The following ATRN variants were observed in gnomAD, a reference collection of about 807,000 sequenced individuals.
ATRN encodes the protein attractin, also known as attractin-2.
ATRN carries 54 observed loss-of-function variants against 178.7 expected under a neutral mutation model. That is an observed-to-expected ratio of 0.30 (90% confidence interval 0.24 to 0.38). ATRN has a LOEUF of 0.38. Ranked by LOEUF, ATRN falls within the 10% of genes least tolerant of loss-of-function variation. The pLI is 1.00. For missense variants in ATRN, 1,443 were observed against 1,815.1 expected, an observed-to-expected ratio of 0.79 and a Z score of 3.73; for synonymous variants, 636 against 663.0, an observed-to-expected ratio of 0.96 and a Z score of 0.63.
Position 3,582,167 on chromosome 20 carries a change from T to G in ATRN, c.2577T>G (p.Leu859=). The G allele has an allele frequency of 6.2e-7, 1 of 1,614,188 alleles. No individual in the cohort carries two copies. The highest frequency in any genetic ancestry group is 2.2e-5 in the East Asian group (1 of 44,886). Residue 859 remains leucine, a synonymous_variant, in exon 16 of 29, where the codon CTT becomes CTG. Transcript: ENST00000262919. ...SKLTLTPWVG[L]RKINVSYWCW... is the part of the protein sequence containing the mutation. ...TCACCTTAACCCCATGGGTCGGCCT[T>G]CGGAAGATCAATGTGTCCTACTGGT... is the stretch of plus-strand genomic sequence containing the variant.
In ATRN at chr20:3,565,378, C is replaced by G. The variant is rs779582836; in HGVS notation, c.1817C>G (p.Pro606Arg). The part of the protein sequence containing the change: ...ACDRWSVLPR[P>R]DLHHDVNRFG... ...GACCGCTGGTCAGTGCTTCCCAGAC[C>G]TGATCTCCACCATGATGTCAACAGA... The change falls in exon 11 of 29, where the codon CCT becomes CGT. Residue 606 changes from proline to arginine, a missense_variant. Transcript: ENST00000262919. The G allele has an allele frequency of 1.9e-6, 3 of 1,614,058 alleles. No individual in the cohort carries two copies. Among genetic ancestry groups the G allele is most frequent in the Non-Finnish European group, 2.5e-6 (3 of 1,179,980 alleles).
chr20:3,628,985 C>A, intron 25 of ATRN: 3 of 985,300 alleles, frequency 3.0e-6, no homozygotes, highest in Non-Finnish European at 3.6e-6. Flanking sequence ...CCAGAAGTGA[C>A]CAATTCCATC....
rs535530895 is a variant in ATRN, at chr20:3,517,373, A to G, written c.411-17880A>G. ...CATACACCAAAGTGCATATGTGGTTATCATTAGGAATCATAAGTTTAAATA... is the reference window on the plus strand; with the variant it reads ...CATACACCAAAGTGCATATGTGGTTGTCATTAGGAATCATAAGTTTAAATA... On this transcript the variant is annotated intron_variant, in intron 1 of 28. Coordinates refer to ENST00000262919, the MANE Select transcript of ATRN (RefSeq NM_139321.3). Among the ~76,000 whole-genome samples, 1,159 of 152,298 alleles carry G rather than the reference A, an allele frequency of 7.6e-3. 13 individuals carry two copies. Among genetic ancestry groups the G allele is most frequent in the Non-Finnish European group, 0.012 (814 of 68,026 alleles).
At chr20:3,531,153 T>G (rs2085448580) in intron 1 of ATRN, among the ~76,000 whole-genome samples, 1 of 152,182 alleles carries the variant, frequency 6.6e-6, no homozygotes, top group South Asian at 2.1e-4. Flanking sequence ...CTCTTTCAAA[T>G]TCCTTTAAAC....
intron 1 of ATRN, among the ~76,000 whole-genome samples, chr20:3,476,107 T>G (rs2084525718): frequency 6.6e-6 from 1 of 152,210 alleles, no homozygotes; most frequent in Non-Finnish European, 1.5e-5. Flanking sequence ...ATCATGCCAC[T>G]GCATTCCATC....
rs547304052 is a variant in ATRN, at chr20:3,472,956, C to A, written c.410+1439C>A. On this transcript the variant is annotated intron_variant, in intron 1 of 28. Coordinates refer to ENST00000262919, the MANE Select transcript of ATRN (RefSeq NM_139321.3). Reference sequence around the variant, plus strand: ...ATTGTAGACTTAGGTAATATTAGGTCTTCTGAGGAACTCAGAGAACGTTGA... The same window carrying A: ...ATTGTAGACTTAGGTAATATTAGGTATTCTGAGGAACTCAGAGAACGTTGA... Among the ~76,000 whole-genome samples the A allele has an allele frequency of 5.3e-5, 8 of 152,284 alleles. No homozygotes were observed. In the South Asian group the frequency reaches 1.7e-3, roughly 32 times the overall value.
chr20:3,567,649 C>T (rs901475492), intron 11 of ATRN, among the ~76,000 whole-genome samples: 2 of 152,156 alleles, frequency 1.3e-5, no homozygotes, highest in East Asian at 1.9e-4. Flanking sequence ...AAAGAAACTT[C>T]GATTCACAGC....
At position 3,648,481 on chromosome 20, in the gene ATRN, G is replaced by A. The variant is rs1009785297; in HGVS notation, c.*1634G>A. On this transcript the variant is annotated 3_prime_UTR_variant, in exon 29 of 29. Transcript: ENST00000262919. ...ATTACCCTATTGGGATGGACCGCTG[G>A]ACAGCAATGCTCGAGTTTGTGAATT... The A allele has an allele frequency of 6.6e-6, 1 of 152,574 alleles. No individual in the cohort carries two copies. The highest frequency in any genetic ancestry group is 1.5e-5 in the Non-Finnish European group (1 of 68,050). 9.5% of individuals were successfully genotyped at this position (152,574 alleles called of 1,614,324 possible). A position where few individuals can be genotyped will look rare whatever the true frequency, so the allele number is the denominator to read the frequency against.
rs548810062 is a variant in ATRN, at chr20:3,646,640, A to C, written c.4166-83A>C. On this transcript the variant is annotated intron_variant, in intron 28 of 28. Coordinates refer to ENST00000262919, the MANE Select transcript of ATRN (RefSeq NM_139321.3). The stretch of plus-strand genomic sequence containing the variant: ...TTGTTTGTTTTGCACCATGGGATTG[A>C]AAAATAAATGTTTAAATTATTTTTT... 1,067 of 1,457,908 alleles carry C rather than the reference A, an allele frequency of 7.3e-4. 17 individuals carry two copies. In the South Asian group the frequency reaches 0.015, roughly 20 times the overall value. 90.3% of individuals were successfully genotyped at this position (1,457,908 alleles called of 1,614,324 possible).
chr20:3,548,581 A>G (rs2085741163), intron 5 of ATRN, among the ~76,000 whole-genome samples: 2 of 143,548 alleles, frequency 1.4e-5, no homozygotes, highest in Non-Finnish European at 3.0e-5. Flanking sequence ...AACATGGATA[A>G]CAGAGCCAGA....
intron 9 of ATRN, 28 bp from the exon 10 acceptor site, chr20:3,563,181 A>G (rs2085978773): frequency 1.3e-6 from 2 of 1,584,246 alleles, no homozygotes; most frequent in East Asian, 4.5e-5. Context: ...CTAACCTTGT[A>G]TTTATTATTT....
chr20:3,622,275 T>C (rs1163278998), intron 24 of ATRN, among the ~76,000 whole-genome samples: 1 of 152,226 alleles, frequency 6.6e-6, no homozygotes, highest in Non-Finnish European at 1.5e-5. Flanking sequence ...AAACACTTCC[T>C]ATGGCTTCAT....
chr20:3,565,027 T>C (rs1052844861), intron 10 of ATRN, among the ~76,000 whole-genome samples: 5 of 152,100 alleles, frequency 3.3e-5, no homozygotes, highest in Non-Finnish European at 7.4e-5. Context: ...ATCACACCAC[T>C]GCACTCCAGC....
At chr20:3,537,853 A>G (rs1371093978) in intron 2 of ATRN, among the ~76,000 whole-genome samples, 4 of 149,340 alleles carry the variant, frequency 2.7e-5, no homozygotes, top group Non-Finnish European at 6.0e-5. Flanking sequence ...ATCCTTTTTT[A>G]TGGCTGCATA....
chr20:3,478,610 A>G (rs2084566008), intron 1 of ATRN, among the ~76,000 whole-genome samples: 1 of 152,166 alleles, frequency 6.6e-6, no homozygotes, highest in South Asian at 2.1e-4. Context: ...GGTGCAGTAA[A>G]CCACTGTGGC....
In ATRN at chr20:3,563,118, G is replaced by T. The variant is rs753270970; in HGVS notation, c.1632-91G>T. 312 of 1,182,316 alleles carry T rather than the reference G, an allele frequency of 2.6e-4. 1 individual carries two copies. The highest frequency in any genetic ancestry group is 3.6e-4 in the Non-Finnish European group (304 of 839,028). The allele number at this position is 1,182,316 out of a possible 1,614,324, so 73.2% of individuals were successfully genotyped here. On this transcript the variant is annotated intron_variant, in intron 9 of 28. Transcript: ENST00000262919. The stretch of plus-strand genomic sequence containing the variant: ...AAGGATTTGTACATTTGGGTCTGAG[G>T]TTAATAAAGTGGTTGTGCTTGCATT...
At position 3,481,316 on chromosome 20, in the gene ATRN, GTTTTTT is replaced by G. The variant is rs370313248; in HGVS notation, c.410+9802_410+9807del. On this transcript the variant is annotated intron_variant, in intron 1 of 28. Coordinates refer to ENST00000262919, the MANE Select transcript of ATRN (RefSeq NM_139321.3). ...TCCTTTCAATTAAAACATTGAAAAAGTTTTTTTTCTTTTTCTGCTAGTGGATTGATC... is the reference window on the plus strand; with the variant it reads ...TCCTTTCAATTAAAACATTGAAAAAGTTCTTTTTCTGCTAGTGGATTGATC... 3.6e-3 allele frequency among the ~76,000 whole-genome samples: 552 copies of G among 152,038 alleles called. 2 individuals are homozygous for G. The highest frequency in any genetic ancestry group is 0.01 in the Middle Eastern group (3 of 294).
At chr20:3,523,966 C>G (rs1163392483) in intron 1 of ATRN, among the ~76,000 whole-genome samples, 1 of 152,054 alleles carries the variant, frequency 6.6e-6, no homozygotes, top group Non-Finnish European at 1.5e-5. Context: ...AAAAACATAC[C>G]AAATTGTAAA....
chr20:3,571,069 C>T (rs555498104), intron 11 of ATRN, among the ~76,000 whole-genome samples: 4 of 152,212 alleles, frequency 2.6e-5, no homozygotes, highest in Non-Finnish European at 5.9e-5. Context: ...TACTGGTGCT[C>T]ACTCCATAGA....
Sources: gnomAD v4.1 joint callset for allele counts (sites outside exome capture counted in the v4.1 genomes callset) on GRCh38, gnomAD v4.1.1 for gene constraint, MANE v1.5 for transcripts, NCBI Gene and HGNC (gene_info 2026-07-23, HGNC 2026-07-21) for gene names.